The following ISM1 variants were observed in gnomAD, a reference collection of about 807,000 sequenced individuals.
The protein encoded by ISM1 is isthmin-1.
In ISM1, 25 loss-of-function variants were observed where a neutral mutation model predicts 46.3. The observed-to-expected ratio is 0.54, with a 90% CI of 0.39 to 0.75. The LOEUF is 0.75. Among genes scored for constraint, ISM1 ranks in the 30% least tolerant of loss-of-function variants. The pLI, the probability that ISM1 is intolerant of heterozygous loss-of-function variation, is 0.00. For missense variants in ISM1, 536 were observed against 625.4 expected, an observed-to-expected ratio of 0.86 and a Z score of 1.52; for synonymous variants, 255 against 256.7, an observed-to-expected ratio of 0.99 and a Z score of 0.06.
At chr20:13,297,914 C>G (rs1255952866) in intron 5 of ISM1, among the ~76,000 whole-genome samples, 1 of 152,106 alleles carries the variant, frequency 6.6e-6, no homozygotes, top group Admixed American at 6.5e-5. Flanking sequence ...GCCCCGGGCT[C>G]CTTCCTCTTT....
Position 13,299,581 on chromosome 20 carries a change from T to C in ISM1, c.*122T>C. The C allele has an allele frequency of 1.1e-6, 1 of 932,514 alleles. No individual in the cohort carries two copies. Among genetic ancestry groups the C allele is most frequent in the Non-Finnish European group, 1.6e-6 (1 of 619,184 alleles). 57.8% of individuals were successfully genotyped at this position (932,514 alleles called of 1,614,324 possible). On this transcript the variant is annotated 3_prime_UTR_variant, in exon 6 of 6. Transcript: ENST00000262487. The surrounding 1 kb of genome is among the most constrained non-coding windows in gnomAD (Gnocchi z 5.8). Reference sequence around the variant, plus strand: ...GTCGTGTATATTTGTATATACCACATGAGTATTTCTCATACATTACGCTAG... The same window carrying C: ...GTCGTGTATATTTGTATATACCACACGAGTATTTCTCATACATTACGCTAG...
Position 13,221,805 on chromosome 20 carries a change from T to A in ISM1, c.29T>A (p.Leu10Gln). The stretch of plus-strand genomic sequence containing the variant: ...GTGCGCCTGGCGGCCGAGCTGCTGC[T>A]GCTGCTGGGGCTGCTGCTGCTCACG... The part of the protein sequence containing the change: MVRLAAELL[L>Q]LLGLLLLTLH... The change falls in exon 1 of 6, where the codon CTG becomes CAG. Residue 10 changes from leucine (L) to glutamine (Q), a missense_variant. Coordinates refer to ENST00000262487, the MANE Select transcript of ISM1 (RefSeq NM_080826.2). 1.4e-6 allele frequency: 2 copies of A among 1,455,868 alleles called. No individual in the cohort carries two copies. The highest frequency in any genetic ancestry group is 1.8e-6 in the Non-Finnish European group (2 of 1,109,424). 90.2% of individuals were successfully genotyped at this position (1,455,868 alleles called of 1,614,324 possible). A position where few individuals can be genotyped will look rare whatever the true frequency, so the allele number is the denominator to read the frequency against.
At chr20:13,311,371 C>T in the ISM1 span, among the ~76,000 whole-genome samples, 1 of 152,106 alleles carries the variant, frequency 6.6e-6, no homozygotes, top group Non-Finnish European at 1.5e-5. Context: ...TGGGAAACAG[C>T]ATGAAAGCTC....
intron 4 of ISM1, among the ~76,000 whole-genome samples, chr20:13,292,035 C>A (rs777478113): frequency 1.3e-5 from 2 of 152,282 alleles, no homozygotes; most frequent in South Asian, 2.1e-4. Flanking sequence ...TTAAACACTA[C>A]GTTCTACTGC....
At chr20:13,262,116 T>C (rs1485005466) in intron 1 of ISM1, among the ~76,000 whole-genome samples, 1 of 152,216 alleles carries the variant, frequency 6.6e-6, no homozygotes, top group Non-Finnish European at 1.5e-5. Flanking sequence ...CCACTCTGTT[T>C]TCTTTGCCGG....
chr20:13,299,321 C>T lies in ISM1; in HGVS notation c.1257C>T (p.Asp419=). ...EFSAELHYKV[D]VLPWIICKGD... ...CCGCGGAGCTCCACTACAAGGTGGA[C>T]GTCCTGCCCTGGATTATCTGCAAGG... Residue 419 remains aspartate, a synonymous_variant, in exon 6 of 6, where the codon GAC becomes GAT. Coordinates refer to ENST00000262487, the MANE Select transcript of ISM1 (RefSeq NM_080826.2). This position sits in a 1 kb window ranked among gnomAD's most constrained non-coding sequence, Gnocchi z 5.8. 1.9e-6 allele frequency: 3 copies of T among 1,613,880 alleles called. No individual in the cohort carries two copies. Among genetic ancestry groups the T allele is most frequent in the African/African-American group, 1.3e-5 (1 of 75,052 alleles).
At chr20:13,288,727 T>G (rs2040320551) in intron 4 of ISM1, 44 bp downstream of exon 4, 13 of 1,558,744 alleles carry the variant, frequency 8.3e-6, no homozygotes, top group Non-Finnish European at 1.0e-5. Flanking sequence ...AGGGGAAAGC[T>G]TTTTAATTTA....
At chr20:13,226,048 G>A (rs565121744) in intron 1 of ISM1, among the ~76,000 whole-genome samples, 3 of 152,244 alleles carry the variant, frequency 2.0e-5, no homozygotes, top group Non-Finnish European at 4.4e-5. Context: ...ATTTTTAGTA[G>A]TAAGTCAGAA....
At chr20:13,311,248 G>GATAC in the ISM1 span, among the ~76,000 whole-genome samples, 3 of 106,174 alleles carry the variant, frequency 2.8e-5, no homozygotes, top group Non-Finnish European at 5.8e-5. Context: ...ATAGATGATA[G>GATAC]ATAGATAGAT....
the ISM1 span, among the ~76,000 whole-genome samples, chr20:13,325,172 G>C: frequency 5.9e-5 from 9 of 152,286 alleles, no homozygotes; most frequent in Non-Finnish European, 1.0e-4. Flanking sequence ...GGGGTGAGGT[G>C]GGGGGATGGC....
At chr20:13,275,869 C>G (rs1600539728) in intron 2 of ISM1, among the ~76,000 whole-genome samples, 2 of 152,190 alleles carry the variant, frequency 1.3e-5, no homozygotes, top group African/African-American at 4.8e-5. Flanking sequence ...TTGCTGTTTA[C>G]CTCGGGACCT....
At chr20:13,227,999 C>G (rs541562013) in intron 1 of ISM1, among the ~76,000 whole-genome samples, 1 of 132,428 alleles carries the variant, frequency 7.6e-6, no homozygotes, top group African/African-American at 2.8e-5. Flanking sequence ...GAGTCTAGCT[C>G]TGTTGCCCAG....
intron 3 of ISM1, among the ~76,000 whole-genome samples, chr20:13,286,553 T>G (rs2040294908): frequency 1.3e-5 from 2 of 152,098 alleles, no homozygotes; most frequent in African/African-American, 2.4e-5. Flanking sequence ...AAATTCTTTT[T>G]GGGGGATTGG....
chr20:13,230,766 GA>G lies in ISM1; in HGVS notation c.138+8861del, dbSNP rs200077061. Among the ~76,000 whole-genome samples, 1,084 of 149,152 alleles carry G rather than the reference GA, an allele frequency of 7.3e-3. 23 individuals are homozygous for G. The highest frequency in any genetic ancestry group is 0.048 in the Admixed American group (715 of 14,998). ...TTGTAGAAAAAAAAAGAAAAGAAAAGAAAAAAAAACCTCACTTTGCATTTTA... is the reference window on the plus strand; with the variant it reads ...TTGTAGAAAAAAAAAGAAAAGAAAAGAAAAAAAACCTCACTTTGCATTTTA... On this transcript the variant is annotated intron_variant, in intron 1 of 5. Transcript: ENST00000262487.
chr20:13,227,150 C>T (rs1043195068), intron 1 of ISM1, among the ~76,000 whole-genome samples: 1 of 152,016 alleles, frequency 6.6e-6, no homozygotes, highest in Admixed American at 6.6e-5. Flanking sequence ...GTTTGGGTGT[C>T]TTTTCCAACC....
At chr20:13,292,910 C>T (rs1309119771) in intron 5 of ISM1, among the ~76,000 whole-genome samples, 2 of 152,098 alleles carry the variant, frequency 1.3e-5, no homozygotes, top group African/African-American at 4.8e-5. Context: ...ATTTTTTATA[C>T]ACCGGGCCAG....
the ISM1 span, among the ~76,000 whole-genome samples, chr20:13,320,669 A>G: frequency 6.6e-6 from 1 of 152,164 alleles, no homozygotes; most frequent in Non-Finnish European, 1.5e-5. Flanking sequence ...GTCCCAGGTA[A>G]GTACAAGTTC....
the ISM1 span, among the ~76,000 whole-genome samples, chr20:13,326,216 TA>T: frequency 6.6e-6 from 1 of 152,328 alleles, no homozygotes; most frequent in South Asian, 2.1e-4. Flanking sequence ...ACTCGCCTAC[TA>T]AAGGATATTT....
chr20:13,306,980 T>G, the ISM1 span, among the ~76,000 whole-genome samples: 1 of 152,116 alleles, frequency 6.6e-6, no homozygotes, highest in Non-Finnish European at 1.5e-5. Context: ...AAGACCACAT[T>G]TGAATCCCTC....
Sources: gnomAD v4.1 joint callset for allele counts (sites outside exome capture counted in the v4.1 genomes callset) on GRCh38, gnomAD v4.1.1 for gene constraint, Gnocchi (gnomAD v3.1) non-coding constraint, MANE v1.5 for transcripts, NCBI Gene and HGNC (gene_info 2026-07-23, HGNC 2026-07-21) for gene names.